DAB1: variants seen among roughly 807,000 people sequenced by gnomAD.
DAB1 encodes disabled homolog 1.
In DAB1, 15 loss-of-function variants were observed where a neutral mutation model predicts 64.6. That is an observed-to-expected ratio of 0.23 (90% CI 0.16 to 0.36). The LOEUF (loss-of-function observed/expected upper bound fraction) is 0.36. DAB1 is among the 10% of genes least tolerant of loss of function. The pLI, the probability that DAB1 is intolerant of heterozygous loss-of-function variation, is 1.00. For missense variants in DAB1, 596 were observed against 706.7 expected (o/e 0.84, Z 1.78); for synonymous variants, 235 against 251.9 (o/e 0.93, Z 0.64).
intron 7 of DAB1, among the ~76,000 whole-genome samples, chr1:57,570,660 C>T (rs1645183667): frequency 6.6e-6 from 1 of 152,044 alleles, no homozygotes; most frequent in South Asian, 2.1e-4. Context: ...TATACAGGCT[C>T]TTTTTTAATT....
intron 6 of DAB1, among the ~76,000 whole-genome samples, chr1:57,800,091 T>C (rs1651053920): frequency 6.6e-6 from 1 of 152,226 alleles, no homozygotes; most frequent in Non-Finnish European, 1.5e-5. Context: ...ATTATGTTAA[T>C]ACTCAGGACA....
At chr1:58,306,197 T>C (rs113549734) in intron 4 of DAB1, among the ~76,000 whole-genome samples, 3,588 of 151,866 alleles carry the variant, frequency 0.024, 140 homozygotes, top group African/African-American at 0.078. Context: ...GTCACTGGAG[T>C]TCTGTGGGTT....
At chr1:57,028,603 C>T (rs921463783) in intron 9 of DAB1, among the ~76,000 whole-genome samples, 1 of 152,126 alleles carries the variant, frequency 6.6e-6, no homozygotes, top group Non-Finnish European at 1.5e-5. Flanking sequence ...TGTTGAATGC[C>T]TTTGCCCAAA....
At chr1:57,448,750 T>C (rs1191585642) in intron 7 of DAB1, among the ~76,000 whole-genome samples, 1 of 145,320 alleles carries the variant, frequency 6.9e-6, no homozygotes, top group African/African-American at 2.5e-5. Context: ...CAATAGCAAG[T>C]GTAGCAAATA....
intron 3 of DAB1, among the ~76,000 whole-genome samples, chr1:58,426,374 T>G (rs1644822130): frequency 6.6e-6 from 1 of 152,190 alleles, no homozygotes; most frequent in South Asian, 2.1e-4. Context: ...ACACCTGCCA[T>G]GAATTTGACA....
At chr1:57,836,846 GCATACAGTCTTTT>G (rs1233854288) in intron 1 of DAB1, among the ~76,000 whole-genome samples, 1 of 152,108 alleles carries the variant, frequency 6.6e-6, no homozygotes, top group African/African-American at 2.4e-5. Context: ...CTGATCTGTG[GCATACAGTCTTTT>G]CATTCATTCA....
intron 4 of DAB1, among the ~76,000 whole-genome samples, chr1:57,098,894 A>T (rs74523612): frequency 0.016 from 2,443 of 152,340 alleles, 78 homozygotes; most frequent in African/African-American, 0.056. Flanking sequence ...ACATAGTAAG[A>T]TTGCCTTTAG....
chr1:57,749,743 G>A (rs2224823), intron 6 of DAB1, among the ~76,000 whole-genome samples: 88,701 of 151,930 alleles, frequency 0.58, 25,969 homozygotes, highest in Admixed American at 0.62. Flanking sequence ...ACAGAGAAAG[G>A]GAGAATAGAA....
At chr1:57,866,184 C>T (rs560067913) in intron 1 of DAB1, 76 of 152,220 alleles carry the variant, frequency 5.0e-4, no homozygotes, top group African/African-American at 1.8e-3. Flanking sequence ...AATGCAATAA[C>T]GTATACAAAA....
At chr1:57,904,661 C>T (rs1644524906) in intron 5 of DAB1, among the ~76,000 whole-genome samples, 1 of 152,140 alleles carries the variant, frequency 6.6e-6, no homozygotes, top group Admixed American at 6.5e-5. Flanking sequence ...GTCCTATGAA[C>T]AGCTGGAGTG....
chr1:58,322,566 C>T (rs1448051276), intron 4 of DAB1, among the ~76,000 whole-genome samples: 1 of 150,824 alleles, frequency 6.6e-6, no homozygotes, highest in Non-Finnish European at 1.5e-5. Flanking sequence ...GTTAGAATGG[C>T]GATCATTAAA....
chr1:57,425,422 C>G (rs1295449787), upstream of DAB1, among the ~76,000 whole-genome samples: 1 of 151,966 alleles, frequency 6.6e-6, no homozygotes, highest in East Asian at 1.9e-4. Flanking sequence ...AGGGTTGTTA[C>G]CTCCAGAGTC....
chr1:58,473,408 G>A lies in DAB1; in HGVS notation n.257+32652C>T, dbSNP rs1645383871. On this transcript the variant is annotated intron_variant and non_coding_transcript_variant, in intron 3 of 20. Coordinates refer to the DAB1 transcript ENST00000485760. The stretch of plus-strand genomic sequence containing the variant: ...ATACAAAAAATTAGCCGGGCGCGGT[G>A]GCGGGCGCCTGTAGTCCCAGCTACT... 2.0e-5 allele frequency among the ~76,000 whole-genome samples: 3 copies of A among 151,988 alleles called. No individual in the cohort carries two copies. In the South Asian group the frequency reaches 6.2e-4, roughly 32 times the overall value.
intron 3 of DAB1, among the ~76,000 whole-genome samples, chr1:58,395,752 T>C (rs895577969): frequency 1.3e-5 from 2 of 152,282 alleles, no homozygotes; most frequent in Non-Finnish European, 2.9e-5. Flanking sequence ...CAAACACATA[T>C]GAAGTACCTA....
chr1:57,237,241 G>A (rs978426644), intron 2 of DAB1, among the ~76,000 whole-genome samples: 3 of 152,162 alleles, frequency 2.0e-5, no homozygotes, highest in African/African-American at 7.2e-5. Flanking sequence ...CCTAACATGA[G>A]GTACATTTGT....
In DAB1 at chr1:58,072,003, T is replaced by A. The variant is rs550319115; in HGVS notation, n.387+78508A>T. Reference sequence around the variant, plus strand: ...ATGCAAAAGTTAAAAGGTAAATAATTAAAATATACCATGTTAGATGGTGGG... The same window carrying A: ...ATGCAAAAGTTAAAAGGTAAATAATAAAAATATACCATGTTAGATGGTGGG... On this transcript the variant is annotated intron_variant and non_coding_transcript_variant, in intron 5 of 20. Coordinates refer to the DAB1 transcript ENST00000485760. Among the ~76,000 whole-genome samples, 926 of 125,380 alleles carry A rather than the reference T, an allele frequency of 7.4e-3. 8 individuals carry two copies. Among genetic ancestry groups the A allele is most frequent in the African/African-American group, 0.028 (896 of 32,214 alleles). The allele number at this position is 125,380 out of a possible 152,430, so 82.3% of individuals were successfully genotyped here.
At chr1:57,187,540 G>A (rs889638691) in intron 2 of DAB1, among the ~76,000 whole-genome samples, 2 of 152,172 alleles carry the variant, frequency 1.3e-5, no homozygotes, top group African/African-American at 4.8e-5. Flanking sequence ...ATCTGGGGCA[G>A]GTGGCTACTG....
chr1:57,957,361 A>G (rs900124552), intron 5 of DAB1, among the ~76,000 whole-genome samples: 1 of 152,194 alleles, frequency 6.6e-6, no homozygotes, highest in Non-Finnish European at 1.5e-5. Flanking sequence ...TAAGCAATGG[A>G]AGGATAAAGT....
intron 6 of DAB1, among the ~76,000 whole-genome samples, chr1:57,788,297 A>G (rs930992466): frequency 7.9e-5 from 12 of 152,152 alleles, no homozygotes; most frequent in Non-Finnish European, 1.6e-4. Flanking sequence ...AGGAATGGGT[A>G]AAAAAACACT....
Sources: gnomAD v4.1 joint callset for allele counts (sites outside exome capture counted in the v4.1 genomes callset) on GRCh38, gnomAD v4.1.1 for gene constraint, MANE v1.5 for transcripts, NCBI Gene and HGNC (gene_info 2026-07-23, HGNC 2026-07-21) for gene names.